GRM4: variants seen among roughly 807,000 people sequenced by gnomAD.
The protein encoded by GRM4 is metabotropic glutamate receptor 4.
GRM4 carries 28 observed loss-of-function variants against 81.7 expected under a neutral mutation model. That is an observed-to-expected ratio of 0.34 (90% confidence interval 0.25 to 0.47). The LOEUF is 0.47. Ranked by LOEUF, GRM4 falls within the 20% of genes least tolerant of loss-of-function variation. The pLI is 1.00. For missense variants in GRM4, 948 were observed against 1,290.0 expected (o/e 0.73, Z 4.06); for synonymous variants, 488 against 528.8 (o/e 0.92, Z 1.06).
intron 3 of GRM4, among the ~76,000 whole-genome samples, chr6:34,071,170 T>C (rs77709494): frequency 0.13 from 20,370 of 151,204 alleles, 2,896 homozygotes; most frequent in African/African-American, 0.36. Flanking sequence ...CCAATTATAA[T>C]TTCAGACAAC....
intron 6 of GRM4, among the ~76,000 whole-genome samples, chr6:34,045,132 GGCGGGGTA>G (rs1162439607): frequency 1.3e-5 from 2 of 152,216 alleles, no homozygotes; most frequent in Admixed American, 1.3e-4. Context: ...TGACTCCCCT[GGCGGGGTA>G]GCGGGGCATG....
At chr6:34,073,634 G>T (rs1021137604) in intron 3 of GRM4, among the ~76,000 whole-genome samples, 2 of 151,836 alleles carry the variant, frequency 1.3e-5, no homozygotes, top group Admixed American at 1.3e-4. Flanking sequence ...GGTGCCCACC[G>T]TGAAGCATCC....
At chr6:34,087,998 C>T (rs1768001792) in intron 3 of GRM4, among the ~76,000 whole-genome samples, 1 of 152,114 alleles carries the variant, frequency 6.6e-6, no homozygotes, top group Admixed American at 6.5e-5. Flanking sequence ...GCACGGGGCC[C>T]AGCACTTCCC....
chr6:34,020,805 G>C lies in GRM4; in HGVS notation c.*2016C>G, dbSNP rs1291140885. 6.6e-6 allele frequency: 1 copy of C among 152,350 alleles called. No homozygotes were observed. Among genetic ancestry groups the C allele is most frequent in the East Asian group, 1.9e-4 (1 of 5,194 alleles). The allele number at this position is 152,350 out of a possible 1,614,324, so 9.4% of individuals were successfully genotyped here. ...TGAGATGCCCAGGCCAGGAGTAAGA[G>C]TGGGCTGATGGAGAAGACATACCTG... On this transcript the variant is annotated 3_prime_UTR_variant, in exon 11 of 11. Coordinates refer to ENST00000538487, the MANE Select transcript of GRM4 (RefSeq NM_000841.4).
Position 34,115,552 on chromosome 6 carries a change from A to AGGGGTCT in GRM4, c.519+17419_519+17425dup, listed in dbSNP as rs887730637. Among the ~76,000 whole-genome samples, 1 of 152,194 alleles carries AGGGGTCT rather than the reference A, an allele frequency of 6.6e-6. No individual in the cohort carries two copies. The highest frequency in any genetic ancestry group is 2.4e-5 in the African/African-American group (1 of 41,450). On this transcript the variant is annotated intron_variant, in intron 2 of 10. Coordinates refer to ENST00000538487, the MANE Select transcript of GRM4 (RefSeq NM_000841.4). This position sits in a 1 kb window ranked among gnomAD's most constrained non-coding sequence, Gnocchi z 4.1. ...TTCAGGACCTTGGACAGCAGCCTCC[A>AGGGGTCT]GGGGTCTGCCCGAAGACACTCGGCA...
chr6:34,098,414 C>T (rs1768653269), intron 2 of GRM4, among the ~76,000 whole-genome samples: 1 of 152,216 alleles, frequency 6.6e-6, no homozygotes. Context: ...TCCTTGCTGA[C>T]TCTGCTCTTT....
Position 34,130,088 on chromosome 6 carries a change from C to A in GRM4, c.519+2890G>T, listed in dbSNP as rs1241191081. Among the ~76,000 whole-genome samples, 1 of 152,160 alleles carries A rather than the reference C, an allele frequency of 6.6e-6. No individual in the cohort carries two copies. Among genetic ancestry groups the A allele is most frequent in the East Asian group, 1.9e-4 (1 of 5,182 alleles). Reference sequence around the variant, plus strand: ...CTCCCCCAAGGCATCCCTCCCTCACCCTCTCCTTCCCGAGGCTCCTGCTCC... The same window carrying A: ...CTCCCCCAAGGCATCCCTCCCTCACACTCTCCTTCCCGAGGCTCCTGCTCC... On this transcript the variant is annotated intron_variant, in intron 2 of 10. Coordinates refer to ENST00000538487, the MANE Select transcript of GRM4 (RefSeq NM_000841.4). The surrounding 1 kb of genome is among the most constrained non-coding windows in gnomAD (Gnocchi z 4.1).
chr6:34,117,728 C>T (rs1333346892), intron 2 of GRM4, among the ~76,000 whole-genome samples: 1 of 152,150 alleles, frequency 6.6e-6, no homozygotes, highest in Non-Finnish European at 1.5e-5. Context: ...GGGGAGCTCA[C>T]CTGAGCACCT....
At chr6:34,073,244 A>G (rs1382646049) in intron 3 of GRM4, among the ~76,000 whole-genome samples, 34 of 590 alleles carry the variant, frequency 0.058, no homozygotes, top group Non-Finnish European at 0.13. Context: ...CATGCCACAC[A>G]CACACATCAC....
At chr6:34,127,106 T>A (rs1016119344) in intron 2 of GRM4, among the ~76,000 whole-genome samples, 2 of 152,186 alleles carry the variant, frequency 1.3e-5, no homozygotes. Flanking sequence ...CAGGCCAGAT[T>A]TGGCTCCTAG....
intron 2 of GRM4, among the ~76,000 whole-genome samples, chr6:34,100,243 C>T (rs1222799497): frequency 1.3e-5 from 2 of 152,228 alleles, no homozygotes; most frequent in East Asian, 1.9e-4. Flanking sequence ...GGCCCTTGGC[C>T]TCCCTTGCTC....
chr6:34,024,907 A>G (rs1258182916), intron 10 of GRM4, among the ~76,000 whole-genome samples: 1 of 152,170 alleles, frequency 6.6e-6, no homozygotes, highest in African/African-American at 2.4e-5. Flanking sequence ...CTCTGAAATG[A>G]CCCATGTCCT....
At chr6:34,040,431 C>T (rs1253364204) in intron 7 of GRM4, 117 bp from the exon 8 acceptor site, 5 of 1,440,394 alleles carry the variant, frequency 3.5e-6, no homozygotes, top group East Asian at 2.3e-5. Flanking sequence ...GGAGATTTCA[C>T]CTCTTGGAAA....
intron 2 of GRM4, among the ~76,000 whole-genome samples, chr6:34,095,192 C>T (rs1486622832): frequency 2.0e-5 from 3 of 152,192 alleles, no homozygotes; most frequent in African/African-American, 7.2e-5. Flanking sequence ...CCCAATAATT[C>T]CTGAGACACT....
chr6:34,073,071 CCA>C (rs1352465032), intron 3 of GRM4, among the ~76,000 whole-genome samples: 1 of 25,566 alleles, frequency 3.9e-5, no homozygotes, highest in Non-Finnish European at 8.8e-5. Flanking sequence ...CAGATACACA[CCA>C]CACACATGAC....
intron 2 of GRM4, among the ~76,000 whole-genome samples, chr6:34,119,464 A>G (rs1565357): frequency 0.62 from 95,001 of 152,072 alleles, 29,926 homozygotes; most frequent in Admixed American, 0.69. Context: ...GGTCGGGATC[A>G]GCCACAGGGC....
rs954879443 is a variant in GRM4, at chr6:34,048,702, G to A, written c.1168+7842C>T. Among the ~76,000 whole-genome samples the A allele has an allele frequency of 5.9e-5, 9 of 152,084 alleles. No homozygotes were observed. The highest frequency in any genetic ancestry group is 2.2e-4 in the African/African-American group (9 of 41,394). ...TTGGTGGGAGGTGATTGGATCATGG[G>A]GGTGGATTTCCCCCATGCTGTTTTC... On this transcript the variant is annotated intron_variant, in intron 6 of 10. Coordinates refer to ENST00000538487, the MANE Select transcript of GRM4 (RefSeq NM_000841.4). This position sits in a 1 kb window ranked among gnomAD's most constrained non-coding sequence, Gnocchi z 4.0.
rs116317769 is a variant in GRM4, at chr6:34,070,665, C to A, written c.737-8637G>T. Among the ~76,000 whole-genome samples, 1,025 of 151,912 alleles carry A rather than the reference C, an allele frequency of 6.7e-3. 8 individuals are homozygous for A. The highest frequency in any genetic ancestry group is 0.014 in the Middle Eastern group (4 of 294). On this transcript the variant is annotated intron_variant, in intron 3 of 10. Transcript: ENST00000538487. This position sits in a 1 kb window ranked among gnomAD's most constrained non-coding sequence, Gnocchi z 4.6. Reference sequence around the variant, plus strand: ...CACTTAGCCAGGCCAGGACCCAGGACCCAGGGCTGGGGAGGTCTACAGCTG... The same window carrying A: ...CACTTAGCCAGGCCAGGACCCAGGAACCAGGGCTGGGGAGGTCTACAGCTG...
chr6:34,033,613 C>G (rs1764539837), intron 9 of GRM4, among the ~76,000 whole-genome samples: 1 of 152,324 alleles, frequency 6.6e-6, no homozygotes, highest in African/African-American at 2.4e-5. Context: ...TCACTGAAAA[C>G]TAGGCAACCC....
Sources: allele counts gnomAD v4.1 joint callset (sites outside exome capture counted in the v4.1 genomes callset), GRCh38; gene constraint gnomAD v4.1.1; non-coding constraint Gnocchi (gnomAD v3.1); transcripts MANE v1.5; gene names NCBI Gene and HGNC (gene_info 2026-07-23, HGNC 2026-07-21).